MSMP: variants seen among roughly 807,000 people sequenced by gnomAD.
MSMP encodes microseminoprotein, prostate associated, also known as prostate-associated microseminoprotein.
MSMP carries 9 observed loss-of-function variants against 15.8 expected under a neutral mutation model. The ratio of observed to expected loss-of-function variants is 0.57; its 90% CI spans 0.34 to 0.99. The LOEUF (loss-of-function observed/expected upper bound fraction) is 0.99. Among genes scored for constraint, MSMP ranks in the 50% least tolerant of loss-of-function variants. The pLI is 0.02. For missense variants in MSMP, 170 were observed against 173.4 expected, an observed-to-expected ratio of 0.98 and a Z score of 0.11; for synonymous variants, 64 against 64.4, an observed-to-expected ratio of 0.99 and a Z score of 0.03.
chr9:35,753,287 A>T lies in MSMP; in HGVS notation c.240-7T>A. 6.2e-7 allele frequency: 1 copy of T among 1,612,534 alleles called. No homozygotes were observed. Among genetic ancestry groups the T allele is most frequent in the Non-Finnish European group, 8.5e-7 (1 of 1,179,770 alleles). On this transcript the variant is annotated splice_region_variant and splice_polypyrimidine_tract_variant and intron_variant, in intron 2 of 2. Transcript: ENST00000436428. The surrounding 1 kb of genome is among the most constrained non-coding windows in gnomAD (Gnocchi z 4.2). ...GTCGATGGGATGCTGGGACCTGGGGAACCAAGGATAGGGGAAGGAGTCAGC... is the reference window on the plus strand; with the variant it reads ...GTCGATGGGATGCTGGGACCTGGGGTACCAAGGATAGGGGAAGGAGTCAGC...
At position 35,753,267 on chromosome 9, in the gene MSMP, T is replaced by C. The variant is rs994383232; in HGVS notation, c.253A>G (p.Ile85Val). The C allele has an allele frequency of 1.2e-6, 2 of 1,613,594 alleles. No individual in the cohort carries two copies. The highest frequency in any genetic ancestry group is 8.5e-7 in the Non-Finnish European group (1 of 1,179,982). The change falls in exon 3 of 3, where the codon ATC (isoleucine) becomes GTC (valine). Residue 85 changes from isoleucine (I) to valine (V), a missense_variant. Coordinates refer to ENST00000436428, the MANE Select transcript of MSMP (RefSeq NM_001044264.3). This position sits in a 1 kb window ranked among gnomAD's most constrained non-coding sequence, Gnocchi z 4.2. ...VGCCDTSQHP[I>V]DFPAGCEVRQ... ...ACCTCACACCCAGCCGGGAAGTCGA[T>C]GGGATGCTGGGACCTGGGGAACCAA... is the stretch of plus-strand genomic sequence containing the variant.
At position 35,753,974 on chromosome 9, in the gene MSMP, A is replaced by T. The variant is rs1265414744; in HGVS notation, c.130+26T>A. On this transcript the variant is annotated intron_variant, in intron 1 of 2. Coordinates refer to ENST00000436428, the MANE Select transcript of MSMP (RefSeq NM_001044264.3). This position sits in a 1 kb window ranked among gnomAD's most constrained non-coding sequence, Gnocchi z 4.2. ...CCTGTGCCCTCTCTGCTGCTCCTCC[A>T]TTCCTAACGCTTCACCCCACTTTAC... 11 of 1,603,466 alleles carry T rather than the reference A, an allele frequency of 6.9e-6. No homozygotes were observed. The highest frequency in any genetic ancestry group is 9.4e-6 in the Non-Finnish European group (11 of 1,173,120).
In MSMP at chr9:35,754,077, C is replaced by T; in HGVS notation, c.53G>A (p.Trp18Ter). 1 of 1,613,618 alleles carries T rather than the reference C, an allele frequency of 6.2e-7. No homozygotes were observed. Among genetic ancestry groups the T allele is most frequent in the Non-Finnish European group, 8.5e-7 (1 of 1,179,732 alleles). Residue 18 changes from tryptophan to a stop codon, truncating the protein, a stop_gained, in exon 1 of 3, where the codon TGG becomes TAG. Transcript: ENST00000436428. LOFTEE classifies it high-confidence loss of function. ...AGQAKGILGG[W>*]GIICLVMSLL... The stretch of plus-strand genomic sequence containing the variant: ...AGACATCACCAAGCAGATGATCCCC[C>T]AGCCTCCTAGGATCCCCTTGGCCTG...
Position 35,753,967 on chromosome 9 carries a change from C to A in MSMP, c.130+33G>T. Reference sequence around the variant, plus strand: ...CATCCTCCCTGTGCCCTCTCTGCTGCTCCTCCATTCCTAACGCTTCACCCC... The same window carrying A: ...CATCCTCCCTGTGCCCTCTCTGCTGATCCTCCATTCCTAACGCTTCACCCC... On this transcript the variant is annotated intron_variant, in intron 1 of 2. Transcript: ENST00000436428. The surrounding 1 kb of genome is among the most constrained non-coding windows in gnomAD (Gnocchi z 4.2). 1 of 1,597,166 alleles carries A rather than the reference C, an allele frequency of 6.3e-7. No individual in the cohort carries two copies. The highest frequency in any genetic ancestry group is 8.6e-7 in the Non-Finnish European group (1 of 1,168,892).
chr9:35,754,153 C>A lies in MSMP; in HGVS notation c.-24G>T. On this transcript the variant is annotated 5_prime_UTR_variant, in exon 1 of 3. Coordinates refer to ENST00000436428, the MANE Select transcript of MSMP (RefSeq NM_001044264.3). ...ATTGCTGCTGCACAGCCCTCTCAGA[C>A]CCTTCTTGGCCTCTGCTCAGCTACT... is the stretch of plus-strand genomic sequence containing the variant. 1 of 1,598,784 alleles carries A rather than the reference C, an allele frequency of 6.3e-7. No individual in the cohort carries two copies. Among genetic ancestry groups the A allele is most frequent in the Non-Finnish European group, 8.5e-7 (1 of 1,170,634 alleles).
At position 35,753,900 on chromosome 9, in the gene MSMP, A is replaced by T; in HGVS notation, c.130+100T>A. On this transcript the variant is annotated intron_variant, in intron 1 of 2. Transcript: ENST00000436428. This position sits in a 1 kb window ranked among gnomAD's most constrained non-coding sequence, Gnocchi z 4.2. The stretch of plus-strand genomic sequence containing the variant: ...TTTGTCTTTCCTGTTTCACAGCTGG[A>T]GGAAGCCTGGGTATTTTGACACGGG... 4 of 1,554,422 alleles carry T rather than the reference A, an allele frequency of 2.6e-6. No individual in the cohort carries two copies. Among genetic ancestry groups the T allele is most frequent in the East Asian group, 2.3e-5 (1 of 44,334 alleles).
chr9:35,753,225 T>C lies in MSMP; in HGVS notation c.295A>G (p.Thr99Ala). The stretch of plus-strand genomic sequence containing the variant: ...TTTTGCACCAAGGAGAACTGGCAGG[T>C]TCCTGCCTCCTGACGTACCTCACAC... Reference protein sequence around the residue: ...AGCEVRQEAGTCQFSLVQKSD... With the variant: ...AGCEVRQEAGACQFSLVQKSD... Residue 99 changes from threonine to alanine, a missense_variant, in exon 3 of 3, where the codon ACC becomes GCC. Transcript: ENST00000436428. The surrounding 1 kb of genome is among the most constrained non-coding windows in gnomAD (Gnocchi z 4.2). 4.3e-6 allele frequency: 7 copies of C among 1,614,100 alleles called. No individual in the cohort carries two copies. Among genetic ancestry groups the C allele is most frequent in the Non-Finnish European group, 5.9e-6 (7 of 1,180,008 alleles).
In MSMP at chr9:35,753,322, G is replaced by A. The variant is rs1351459643; in HGVS notation, c.240-42C>T. On this transcript the variant is annotated intron_variant, in intron 2 of 2. Coordinates refer to ENST00000436428, the MANE Select transcript of MSMP (RefSeq NM_001044264.3). This position sits in a 1 kb window ranked among gnomAD's most constrained non-coding sequence, Gnocchi z 4.2. ...AGGGGAAGGAGTCAGCACAGTGAAA[G>A]GCTGCCTTTATCCCTGCCCACATGT... The A allele has an allele frequency of 6.3e-7, 1 of 1,593,104 alleles. No homozygotes were observed. The highest frequency in any genetic ancestry group is 8.5e-7 in the Non-Finnish European group (1 of 1,169,832).
In MSMP at chr9:35,753,858, A is replaced by T; in HGVS notation, c.131-90T>A. The T allele has an allele frequency of 6.6e-7, 1 of 1,515,104 alleles. No homozygotes were observed. The highest frequency in any genetic ancestry group is 9.1e-7 in the Non-Finnish European group (1 of 1,101,880). 93.9% of individuals were successfully genotyped at this position (1,515,104 alleles called of 1,614,324 possible). A position where few individuals can be genotyped will look rare whatever the true frequency, so the allele number is the denominator to read the frequency against. On this transcript the variant is annotated intron_variant, in intron 1 of 2. Transcript: ENST00000436428. This position sits in a 1 kb window ranked among gnomAD's most constrained non-coding sequence, Gnocchi z 4.2. ...TCTGGGGTGGAGACAGTAAGTACGCACTATCCCCGTATTTAGTTTGTCTTT... is the reference window on the plus strand; with the variant it reads ...TCTGGGGTGGAGACAGTAAGTACGCTCTATCCCCGTATTTAGTTTGTCTTT...
Position 35,753,674 on chromosome 9 carries a change from CA to C in MSMP, c.224del (p.Val75GlyfsTer69). On this transcript the variant is annotated frameshift_variant, in exon 2 of 3. Transcript: ENST00000436428. LOFTEE classifies it high-confidence loss of function. The surrounding 1 kb of genome is among the most constrained non-coding windows in gnomAD (Gnocchi z 4.2). ...TGGTCACTCACGTGTCACAGCAGCC[CA>C]CGCCAACAGGATGCAGACAGGTGCA... The part of the protein sequence containing the change: ...FHCTCLHPVG[V>X]GCCDTSQHPI... 1 of 1,613,978 alleles carries C rather than the reference CA, an allele frequency of 6.2e-7. No individual in the cohort carries two copies. Among genetic ancestry groups the C allele is most frequent in the South Asian group, 1.1e-5 (1 of 91,056 alleles).
At position 35,753,843 on chromosome 9, in the gene MSMP, A is replaced by G. The variant is rs888514452; in HGVS notation, c.131-75T>C. On this transcript the variant is annotated intron_variant, in intron 1 of 2. Transcript: ENST00000436428. The surrounding 1 kb of genome is among the most constrained non-coding windows in gnomAD (Gnocchi z 4.2). The stretch of plus-strand genomic sequence containing the variant: ...CAGAGGCTCTTCTGGTCTGGGGTGG[A>G]GACAGTAAGTACGCACTATCCCCGT... 2.2e-5 allele frequency: 34 copies of G among 1,533,934 alleles called. No individual in the cohort carries two copies. In the African/African-American group the frequency reaches 4.4e-4, roughly 20 times the overall value.
In MSMP at chr9:35,753,423, C is replaced by G. The variant is rs1330607338; in HGVS notation, c.240-143G>C. 1 of 918,602 alleles carries G rather than the reference C, an allele frequency of 1.1e-6. No homozygotes were observed. The highest frequency in any genetic ancestry group is 1.7e-5 in the African/African-American group (1 of 59,498). 56.9% of individuals were successfully genotyped at this position (918,602 alleles called of 1,614,324 possible). A position where few individuals can be genotyped will look rare whatever the true frequency, so the allele number is the denominator to read the frequency against. On this transcript the variant is annotated intron_variant, in intron 2 of 2. Transcript: ENST00000436428. This position sits in a 1 kb window ranked among gnomAD's most constrained non-coding sequence, Gnocchi z 4.2. The stretch of plus-strand genomic sequence containing the variant: ...GTCCTCCTAACTAAGCTGTCACCTA[C>G]CATATGTGGGCCTTTTTGTTTTATA...
In MSMP at chr9:35,753,858, A is replaced by AC. The variant is rs1422832250; in HGVS notation, c.131-91dup. ...TCTGGGGTGGAGACAGTAAGTACGC[A>AC]CTATCCCCGTATTTAGTTTGTCTTT... On this transcript the variant is annotated intron_variant, in intron 1 of 2. Coordinates refer to ENST00000436428, the MANE Select transcript of MSMP (RefSeq NM_001044264.3). This position sits in a 1 kb window ranked among gnomAD's most constrained non-coding sequence, Gnocchi z 4.2. The AC allele has an allele frequency of 6.6e-7, 1 of 1,515,104 alleles. No homozygotes were observed. The highest frequency in any genetic ancestry group is 1.4e-5 in the African/African-American group (1 of 72,888). The allele number at this position is 1,515,104 out of a possible 1,614,324, so 93.9% of individuals were successfully genotyped here. A position where few individuals can be genotyped will look rare whatever the true frequency, so the allele number is the denominator to read the frequency against.
Position 35,753,979 on chromosome 9 carries a change from T to C in MSMP, c.130+21A>G. 1 of 1,606,478 alleles carries C rather than the reference T, an allele frequency of 6.2e-7. No individual in the cohort carries two copies. Among genetic ancestry groups the C allele is most frequent in the Non-Finnish European group, 8.5e-7 (1 of 1,175,028 alleles). On this transcript the variant is annotated intron_variant, in intron 1 of 2. Coordinates refer to ENST00000436428, the MANE Select transcript of MSMP (RefSeq NM_001044264.3). The surrounding 1 kb of genome is among the most constrained non-coding windows in gnomAD (Gnocchi z 4.2). ...GCCCTCTCTGCTGCTCCTCCATTCC[T>C]AACGCTTCACCCCACTTTACCTTGA...
chr9:35,753,509 A>G lies in MSMP; in HGVS notation c.239+151T>C, dbSNP rs1245683710. The G allele has an allele frequency of 1.2e-5, 9 of 780,630 alleles. No individual in the cohort carries two copies. The highest frequency in any genetic ancestry group is 1.9e-5 in the Non-Finnish European group (9 of 483,092). 48.4% of individuals were successfully genotyped at this position (780,630 alleles called of 1,614,324 possible). A position where few individuals can be genotyped will look rare whatever the true frequency, so the allele number is the denominator to read the frequency against. On this transcript the variant is annotated intron_variant, in intron 2 of 2. Transcript: ENST00000436428. This position sits in a 1 kb window ranked among gnomAD's most constrained non-coding sequence, Gnocchi z 4.2. ...CCCCTGATTTATAGCCTGAAGCCTT[A>G]TCTTTCACACTAGTGTTGGTCCCTT...
rs1827325815 is a variant in MSMP, at chr9:35,754,269, C to T, written c.-140G>A. On this transcript the variant is annotated 5_prime_UTR_variant, in exon 1 of 3. Transcript: ENST00000436428. ...TGGGCTCCTGTCTCACACTATCTCC[C>T]TGCCCTCTGCTCTCACAGGCTGGGG... 1.9e-6 allele frequency: 2 copies of T among 1,050,368 alleles called. No individual in the cohort carries two copies. The highest frequency in any genetic ancestry group is 2.7e-6 in the Non-Finnish European group (2 of 747,138). 65.1% of individuals were successfully genotyped at this position (1,050,368 alleles called of 1,614,324 possible).
chr9:35,753,620 A>G lies in MSMP; in HGVS notation c.239+40T>C. 1.3e-6 allele frequency: 2 copies of G among 1,503,898 alleles called. No individual in the cohort carries two copies. The highest frequency in any genetic ancestry group is 1.8e-6 in the Non-Finnish European group (2 of 1,083,592). The allele number at this position is 1,503,898 out of a possible 1,614,324, so 93.2% of individuals were successfully genotyped here. Reference sequence around the variant, plus strand: ...CTCCCTGGTCATCCCTCAGTCACTCATATCAGAGTCATTCTCTCTGGCCAT... The same window carrying G: ...CTCCCTGGTCATCCCTCAGTCACTCGTATCAGAGTCATTCTCTCTGGCCAT... On this transcript the variant is annotated intron_variant, in intron 2 of 2. Transcript: ENST00000436428. The surrounding 1 kb of genome is among the most constrained non-coding windows in gnomAD (Gnocchi z 4.2).
rs2132037479 is a variant in MSMP, at chr9:35,754,121, T to G, written c.9A>C (p.Leu3=). 1 of 1,612,830 alleles carries G rather than the reference T, an allele frequency of 6.2e-7. No homozygotes were observed. Among genetic ancestry groups the G allele is most frequent in the East Asian group, 2.2e-5 (1 of 44,856 alleles). Residue 3 remains leucine, a synonymous_variant, in exon 1 of 3, where the codon CTA becomes CTC. Transcript: ENST00000436428. MA[L]RMLWAGQAKG... ...TGGCCTGTCCAGCCCAGAGCATCCT[T>G]AGGGCCATTGCTGCTGCACAGCCCT...
At position 35,753,248 on chromosome 9, in the gene MSMP, C is replaced by T. The variant is rs376929402; in HGVS notation, c.272G>A (p.Cys91Tyr). The change falls in exon 3 of 3, where the codon TGT becomes TAT. Residue 91 changes from cysteine to tyrosine, a missense_variant. Cys to Tyr is a radical substitution (Grantham distance 194). Coordinates refer to ENST00000436428, the MANE Select transcript of MSMP (RefSeq NM_001044264.3). The surrounding 1 kb of genome is among the most constrained non-coding windows in gnomAD (Gnocchi z 4.2). The part of the protein sequence containing the change: ...SQHPIDFPAG[C>Y]EVRQEAGTCQ... ...GGTTCCTGCCTCCTGACGTACCTCA[C>T]ACCCAGCCGGGAAGTCGATGGGATG... is the stretch of plus-strand genomic sequence containing the variant. The T allele has an allele frequency of 1.9e-6, 3 of 1,614,084 alleles. No individual in the cohort carries two copies. The highest frequency in any genetic ancestry group is 1.7e-6 in the Non-Finnish European group (2 of 1,180,016).
Sources: gnomAD v4.1 joint callset for allele counts on GRCh38, gnomAD v4.1.1 for gene constraint, Gnocchi (gnomAD v3.1) non-coding constraint, MANE v1.5 for transcripts, NCBI Gene and HGNC (gene_info 2026-07-23, HGNC 2026-07-21) for gene names.